Variants in LRRC1 observed in about 807,000 individuals in gnomAD.
LRRC1 encodes leucine rich repeat containing 1, also known as leucine-rich repeat-containing protein 1.
LRRC1 carries 28 observed loss-of-function variants against 69.9 expected under a neutral mutation model. The ratio of observed to expected loss-of-function variants is 0.40; its 90% confidence interval spans 0.30 to 0.55. The LOEUF (loss-of-function observed/expected upper bound fraction) is 0.55, where lower values mean the gene tolerates loss of function less well. Ranked by LOEUF, LRRC1 falls within the 20% of genes least tolerant of loss-of-function variation. The pLI, the probability that LRRC1 is intolerant of heterozygous loss-of-function variation, is 0.47. For missense variants in LRRC1, 498 were observed against 609.0 expected, an observed-to-expected ratio of 0.82 and a Z score of 1.92; for synonymous variants, 236 against 240.2, an observed-to-expected ratio of 0.98 and a Z score of 0.16.
intron 10 of LRRC1, among the ~76,000 whole-genome samples, chr6:53,906,827 G>A (rs567045944): frequency 4.1e-4 from 62 of 152,336 alleles, no homozygotes; most frequent in African/African-American, 1.4e-3. Flanking sequence ...TTTCCTTTCA[G>A]CTGTCTGATA....
chr6:53,848,833 C>G (rs529631516), intron 2 of LRRC1, among the ~76,000 whole-genome samples: 7 of 152,020 alleles, frequency 4.6e-5, no homozygotes, highest in Non-Finnish European at 1.5e-5. Context: ...TCTTGGCTCA[C>G]GGCAACCTCT....
At chr6:53,810,783 G>A (rs1375730315) in intron 1 of LRRC1, among the ~76,000 whole-genome samples, 1 of 152,172 alleles carries the variant, frequency 6.6e-6, no homozygotes, top group East Asian at 1.9e-4. Flanking sequence ...GTCACTCAGT[G>A]ATAGGACTAG....
Position 53,904,366 on chromosome 6 carries a change from G to C in LRRC1, c.907-13G>C. The C allele has an allele frequency of 1.3e-6, 2 of 1,548,366 alleles. No individual in the cohort carries two copies. Among genetic ancestry groups the C allele is most frequent in the Non-Finnish European group, 1.8e-6 (2 of 1,127,920 alleles). ...TGTGTGTTAAATTAATAGTGAAATT[G>C]TTATTTTAACAGACCCTGCCTAAAA... is the stretch of plus-strand genomic sequence containing the variant. On this transcript the variant is annotated splice_polypyrimidine_tract_variant and intron_variant, in intron 9 of 13. Coordinates refer to ENST00000370888, the MANE Select transcript of LRRC1 (RefSeq NM_018214.5).
intron 4 of LRRC1, among the ~76,000 whole-genome samples, chr6:53,893,338 C>T (rs1767763644): frequency 6.6e-6 from 1 of 152,180 alleles, no homozygotes; most frequent in South Asian, 2.1e-4. Context: ...AGGATTCAAG[C>T]CTGGGCCCCA....
chr6:53,829,647 C>T (rs1184608024), intron 1 of LRRC1, among the ~76,000 whole-genome samples: 1 of 152,052 alleles, frequency 6.6e-6, no homozygotes, highest in Non-Finnish European at 1.5e-5. Flanking sequence ...GATCTTGTTT[C>T]CTTTTATTAT....
intron 8 of LRRC1, among the ~76,000 whole-genome samples, chr6:53,900,906 A>G (rs1310762149): frequency 1.3e-5 from 2 of 152,198 alleles, no homozygotes; most frequent in Non-Finnish European, 2.9e-5. Context: ...CATCACATCA[A>G]AAGAAGTTTT....
intron 1 of LRRC1, among the ~76,000 whole-genome samples, chr6:53,812,000 G>C (rs1348179178): frequency 6.6e-5 from 10 of 152,248 alleles, no homozygotes; most frequent in Non-Finnish European, 1.5e-4. Flanking sequence ...GTGTTGTGAA[G>C]CTAATAGCAA....
At chr6:53,907,304 A>G (rs1292338320) in intron 10 of LRRC1, among the ~76,000 whole-genome samples, 2 of 152,152 alleles carry the variant, frequency 1.3e-5, no homozygotes, top group African/African-American at 4.8e-5. Context: ...ATTAATTGCC[A>G]TTGGTCTGGT....
intron 9 of LRRC1, among the ~76,000 whole-genome samples, chr6:53,902,948 C>G (rs1237476769): frequency 1.3e-5 from 2 of 152,078 alleles, no homozygotes; most frequent in Non-Finnish European, 2.9e-5. Context: ...AGCCTGTGTC[C>G]CAGTTGTGGT....
intron 1 of LRRC1, among the ~76,000 whole-genome samples, chr6:53,840,646 A>AC (rs1161036392): frequency 7.4e-5 from 11 of 149,198 alleles, no homozygotes; most frequent in African/African-American, 2.5e-4. Flanking sequence ...TTTTTATTCC[A>AC]CCTTCTGAGG....
chr6:53,850,414 T>C (rs924901007), intron 2 of LRRC1, among the ~76,000 whole-genome samples: 10 of 152,368 alleles, frequency 6.6e-5, no homozygotes, highest in African/African-American at 2.2e-4. Context: ...GTTAGAAATT[T>C]ATTTCAAATG....
intron 1 of LRRC1, among the ~76,000 whole-genome samples, chr6:53,797,914 G>A (rs528461802): frequency 5.4e-4 from 82 of 152,294 alleles, no homozygotes; most frequent in Admixed American, 1.7e-3. Flanking sequence ...TGGACACCTA[G>A]CAGGAATCTT....
At chr6:53,910,474 T>A (rs1055245851) in intron 10 of LRRC1, among the ~76,000 whole-genome samples, 1 of 152,128 alleles carries the variant, frequency 6.6e-6, no homozygotes, top group Non-Finnish European at 1.5e-5. Context: ...CTGCGATACA[T>A]CGTTAGGGAG....
In LRRC1 at chr6:53,913,748, T is replaced by A. The variant is rs551058690; in HGVS notation, c.991-106T>A. ...AGTGAGACCGGTGAGTTATGTGGTA[T>A]AAGTTTATGCATCCTTTTTATACTG... On this transcript the variant is annotated intron_variant, in intron 10 of 13. Transcript: ENST00000370888. 1.3e-5 allele frequency: 8 copies of A among 611,196 alleles called. No individual in the cohort carries two copies. In the South Asian group the frequency reaches 1.4e-4, roughly 10 times the overall value. 37.9% of individuals were successfully genotyped at this position (611,196 alleles called of 1,614,324 possible).
rs954809438 is a variant in LRRC1 at position 53,795,354 on chromosome 6, G to T, written c.98G>T (p.Arg33Leu). The change falls in exon 1 of 14, where the codon CGC becomes CTC. Residue 33 changes from arginine (R) to leucine (L), a missense_variant. By Grantham distance (102) the Arg-to-Leu change is moderately radical. Around this residue, in one of 3 missense-constraint regions of LRRC1, gnomAD observed 70 missense variants for 62.1 expected, o/e 1.13. Transcript: ENST00000370888. ...GTCTACGTCCCCGAGGAGATCTACC[G>T]CTATGCCCGGAGCCTGGAGGAGCTG... is the stretch of plus-strand genomic sequence containing the variant. ...SLVYVPEEIY[R>L]YARSLEELLL... is the part of the protein sequence containing the mutation. 1 of 1,613,720 alleles carries T rather than the reference G, an allele frequency of 6.2e-7. No individual in the cohort carries two copies. The highest frequency in any genetic ancestry group is 8.5e-7 in the Non-Finnish European group (1 of 1,179,968).
intron 2 of LRRC1, among the ~76,000 whole-genome samples, chr6:53,866,596 G>C (rs76093570): frequency 1.3e-5 from 2 of 152,100 alleles, no homozygotes; most frequent in Non-Finnish European, 2.9e-5. Context: ...ACTGTGGAAG[G>C]CCTCATTATT....
intron 1 of LRRC1, among the ~76,000 whole-genome samples, chr6:53,800,434 T>G (rs1581837989): frequency 6.6e-6 from 1 of 151,270 alleles, no homozygotes; most frequent in African/African-American, 2.4e-5. Context: ...GTGTTTTTAA[T>G]AGAGACGGGG....
chr6:53,862,814 A>G (rs898427506), intron 2 of LRRC1, among the ~76,000 whole-genome samples: 3 of 152,174 alleles, frequency 2.0e-5, no homozygotes, highest in Non-Finnish European at 4.4e-5. Context: ...TTTGAAAAAA[A>G]TTCTCCATTT....
In LRRC1 at chr6:53,919,477, TAAAA is replaced by T; in HGVS notation, c.1107-7_1107-4del. The T allele has an allele frequency of 4.0e-6, 5 of 1,256,308 alleles. No individual in the cohort carries two copies. Among genetic ancestry groups the T allele is most frequent in the African/African-American group, 3.3e-5 (2 of 60,654 alleles). 77.8% of individuals were successfully genotyped at this position (1,256,308 alleles called of 1,614,324 possible). ...TTTGAGGTTGTGATGTCTCTTTTTT[TAAAA>T]AAAAAAAAAAAAACAGGTTGCTGCA... On this transcript the variant is annotated splice_polypyrimidine_tract_variant and intron_variant, in intron 11 of 13. Coordinates refer to ENST00000370888, the MANE Select transcript of LRRC1 (RefSeq NM_018214.5).
Sources: gnomAD v4.1 joint callset for allele counts (sites outside exome capture counted in the v4.1 genomes callset) on GRCh38, gnomAD v4.1.1 for gene constraint, gnomAD v4.1.1 regional missense constraint, MANE v1.5 for transcripts, NCBI Gene and HGNC (gene_info 2026-07-23, HGNC 2026-07-21) for gene names.